The following CTNNAL1 variants were observed in gnomAD, a reference collection of about 807,000 sequenced individuals.
CTNNAL1 encodes the protein catenin alpha like 1.
Under a neutral mutation model 93.6 loss-of-function variants are expected in CTNNAL1, and 69 were observed. The observed-to-expected ratio is 0.74, with a 90% confidence interval of 0.61 to 0.90. The LOEUF (loss-of-function observed/expected upper bound fraction) is 0.90, where lower values mean the gene tolerates loss of function less well. CTNNAL1 is among the 40% of genes least tolerant of loss of function. The pLI, the probability that CTNNAL1 is intolerant of heterozygous loss-of-function variation, is 0.00. For missense variants in CTNNAL1, 836 were observed against 862.0 expected (o/e 0.97, Z 0.38); for synonymous variants, 286 against 305.4 (o/e 0.94, Z 0.66).
chr9:109,002,489 G>A (rs549590834), intron 1 of CTNNAL1, among the ~76,000 whole-genome samples: 1 of 152,274 alleles, frequency 6.6e-6, no homozygotes, highest in East Asian at 1.9e-4. Flanking sequence ...TTGTTATGTG[G>A]TGACAGAAAG....
Position 108,970,514 on chromosome 9 carries a change from C to G in CTNNAL1, c.1348-20G>C, listed in dbSNP as rs1182879165. 1.9e-6 allele frequency: 3 copies of G among 1,589,942 alleles called. No individual in the cohort carries two copies. In the South Asian group the frequency reaches 3.5e-5, roughly 18 times the overall value. On this transcript the variant is annotated intron_variant, in intron 9 of 18. Coordinates refer to ENST00000325551, the MANE Select transcript of CTNNAL1 (RefSeq NM_003798.4). ...ACAGGTCTACAAGACAATATGTCTA[C>G]AGTTTAACTTTCACATCCTCATCCT... is the stretch of plus-strand genomic sequence containing the variant.
intron 8 of CTNNAL1, among the ~76,000 whole-genome samples, chr9:108,975,492 T>C (rs1831242161): frequency 6.6e-6 from 1 of 152,230 alleles, no homozygotes; most frequent in African/African-American, 2.4e-5. Flanking sequence ...CTTCTCTCTC[T>C]ATGCCACAAC....
At position 108,964,762 on chromosome 9, in the gene CTNNAL1, T is replaced by G. The variant is rs547316782; in HGVS notation, c.1591+616A>C. 2.6e-5 allele frequency among the ~76,000 whole-genome samples: 4 copies of G among 152,226 alleles called. No homozygotes were observed. In the South Asian group the frequency reaches 8.3e-4, roughly 32 times the overall value. ...TGTTGTATTATAATTAAAAAACAATTCAGAAGAAATTTAAAAATGACTATT... is the reference window on the plus strand; with the variant it reads ...TGTTGTATTATAATTAAAAAACAATGCAGAAGAAATTTAAAAATGACTATT... On this transcript the variant is annotated intron_variant, in intron 11 of 18. Transcript: ENST00000325551.
chr9:108,968,584 C>T (rs576126204), intron 10 of CTNNAL1, among the ~76,000 whole-genome samples: 18 of 152,308 alleles, frequency 1.2e-4, no homozygotes, highest in African/African-American at 3.4e-4. Flanking sequence ...ATATTGAAGA[C>T]ACAGTTTCTC....
chr9:108,950,605 T>C, intron 14 of CTNNAL1: 1 of 1,549,474 alleles, frequency 6.5e-7, no homozygotes. Flanking sequence ...CCTCCTTCTA[T>C]AGGAAGGAAT....
chr9:109,000,703 GAAA>G (rs748272087), intron 1 of CTNNAL1, among the ~76,000 whole-genome samples: 1 of 122,272 alleles, frequency 8.2e-6, no homozygotes, highest in Admixed American at 8.4e-5. Context: ...AACAGTGGAG[GAAA>G]AAAAAAAAAA....
chr9:108,982,993 G>A (rs766877483), intron 6 of CTNNAL1, 152 bp downstream of exon 6: 10 of 560,386 alleles, frequency 1.8e-5, no homozygotes, highest in Non-Finnish European at 2.0e-5. Context: ...CACAAGAATC[G>A]CTTGAACCCA....
intron 1 of CTNNAL1, among the ~76,000 whole-genome samples, chr9:109,004,759 C>G (rs1294213757): frequency 6.6e-6 from 1 of 151,246 alleles, no homozygotes; most frequent in African/African-American, 2.4e-5. Context: ...GCACTCCAGC[C>G]CGGGTGACAG....
intron 6 of CTNNAL1, among the ~76,000 whole-genome samples, chr9:108,981,346 G>A (rs1454268816): frequency 6.6e-6 from 1 of 152,138 alleles, no homozygotes; most frequent in Non-Finnish European, 1.5e-5. Flanking sequence ...GGAAGACTCA[G>A]TGGTAGGACT....
chr9:108,973,772 T>A (rs905020966), intron 8 of CTNNAL1, among the ~76,000 whole-genome samples: 2 of 152,100 alleles, frequency 1.3e-5, no homozygotes, highest in Admixed American at 6.6e-5. Context: ...AAAATCTGAC[T>A]TTGAATTAAA....
chr9:109,011,310 A>G (rs1564156239), intron 1 of CTNNAL1, among the ~76,000 whole-genome samples: 1 of 152,134 alleles, frequency 6.6e-6, no homozygotes, highest in Non-Finnish European at 1.5e-5. Flanking sequence ...AGCTGTAGAT[A>G]CACAATGTGT....
intron 1 of CTNNAL1, among the ~76,000 whole-genome samples, chr9:109,012,616 G>A (rs1455774290): frequency 6.6e-6 from 1 of 152,206 alleles, no homozygotes; most frequent in Non-Finnish European, 1.5e-5. Context: ...CATCCCAAAC[G>A]GGACTTGGCA....
At position 108,947,118 on chromosome 9, in the gene CTNNAL1, T is replaced by TC. The variant is rs1830428251; in HGVS notation, c.1884+1067_1884+1068insG. ...ATAAAGTGATAGAAATTTCTTTCTT[T>TC]TTTTTTTTTTTTTGAGATGGAGTCT... is the stretch of plus-strand genomic sequence containing the variant. On this transcript the variant is annotated intron_variant, in intron 15 of 18. Coordinates refer to ENST00000325551, the MANE Select transcript of CTNNAL1 (RefSeq NM_003798.4). 2.0e-5 allele frequency among the ~76,000 whole-genome samples: 3 copies of TC among 149,658 alleles called. No individual in the cohort carries two copies. The South Asian group carries it at 6.3e-4, about 31-fold the overall frequency.
chr9:108,992,140 T>C (rs1039495644), intron 3 of CTNNAL1: 3 of 700,806 alleles, frequency 4.3e-6, no homozygotes, highest in Middle Eastern at 3.1e-4. Context: ...ACATACATTA[T>C]CATAGTGCTC....
chr9:108,983,597 A>C (rs1831506663), intron 5 of CTNNAL1, among the ~76,000 whole-genome samples: 1 of 152,218 alleles, frequency 6.6e-6, no homozygotes, highest in Admixed American at 6.5e-5. Context: ...ATCATGATTA[A>C]AACTATTTTA....
intron 10 of CTNNAL1, among the ~76,000 whole-genome samples, chr9:108,967,498 G>A (rs188192143): frequency 1.0e-3 from 154 of 152,238 alleles, no homozygotes; most frequent in African/African-American, 3.5e-3. Context: ...ACAGATAAAT[G>A]TCCCTGGCTT....
intron 1 of CTNNAL1, among the ~76,000 whole-genome samples, chr9:109,001,876 G>A (rs1826841585): frequency 6.6e-6 from 1 of 152,186 alleles, no homozygotes; most frequent in Non-Finnish European, 1.5e-5. Flanking sequence ...TTGTTTTAAT[G>A]CACTAAATTT....
chr9:109,001,540 T>C (rs531710439), intron 1 of CTNNAL1, among the ~76,000 whole-genome samples: 1 of 152,316 alleles, frequency 6.6e-6, no homozygotes, highest in East Asian at 1.9e-4. Context: ...ATAGTGACTT[T>C]CATCTTACTC....
Position 108,982,430 on chromosome 9 carries a change from G to C in CTNNAL1, c.900+715C>G, listed in dbSNP as rs112262675. On this transcript the variant is annotated intron_variant, in intron 6 of 18. Transcript: ENST00000325551. The stretch of plus-strand genomic sequence containing the variant: ...CTAATACTATTACTATAGTCTCAAA[G>C]TACCAACCCTCTAACACAGAGAAAA... 1.9e-3 allele frequency among the ~76,000 whole-genome samples: 295 copies of C among 152,178 alleles called. 2 individuals carry two copies. The highest frequency in any genetic ancestry group is 6.7e-3 in the African/African-American group (278 of 41,524).
Sources: gnomAD v4.1 joint callset for allele counts (sites outside exome capture counted in the v4.1 genomes callset) on GRCh38, gnomAD v4.1.1 for gene constraint, MANE v1.5 for transcripts, NCBI Gene and HGNC (gene_info 2026-07-23, HGNC 2026-07-21) for gene names.